GPR20: variants seen among roughly 807,000 people sequenced by gnomAD.
GPR20 encodes the protein CTD-3064M3.3.
For missense variants in GPR20, 494 were observed against 527.4 expected, an observed-to-expected ratio of 0.94 and a Z score of 0.62; for synonymous variants, 241 against 241.9, an observed-to-expected ratio of 1.00 and a Z score of 0.04.
At chr8:141,361,045 C>G (rs1831727875) in intron 1 of GPR20, among the ~76,000 whole-genome samples, 1 of 152,242 alleles carries the variant, frequency 6.6e-6, no homozygotes. Context: ...TCTTTCCTGG[C>G]AGGCACCCTG....
intron 1 of GPR20, among the ~76,000 whole-genome samples, chr8:141,360,534 G>T (rs571087404): frequency 6.6e-6 from 1 of 152,150 alleles, no homozygotes; most frequent in Admixed American, 6.5e-5. Context: ...CCACAGCGAC[G>T]GATGTCCCGA....
intron 1 of GPR20, among the ~76,000 whole-genome samples, chr8:141,359,410 T>A (rs1319582182): frequency 6.6e-6 from 1 of 152,168 alleles, no homozygotes; most frequent in African/African-American, 2.4e-5. Flanking sequence ...AGTGCCTGCA[T>A]GAGGTCACCC....
chr8:141,358,382 G>T (rs189276483), intron 1 of GPR20, among the ~76,000 whole-genome samples: 1 of 152,202 alleles, frequency 6.6e-6, no homozygotes, highest in Non-Finnish European at 1.5e-5. Flanking sequence ...GTGCTTGCTC[G>T]GGTAGGCCAC....
chr8:141,357,131 C>A lies in GPR20; in HGVS notation c.793G>T (p.Ala265Ser). The A allele has an allele frequency of 1.2e-6, 2 of 1,611,246 alleles. No homozygotes were observed. Among genetic ancestry groups the A allele is most frequent in the South Asian group, 2.2e-5 (2 of 91,060 alleles). The change falls in exon 2 of 2, where the codon GCG (alanine) becomes TCG (serine). Residue 265 changes from alanine (A) to serine (S), a missense_variant. Coordinates refer to ENST00000377741, the MANE Select transcript of GPR20 (RefSeq NM_005293.3). Reference sequence around the variant, plus strand: ...TGGTGTGGCATGTCGGGCCACAGCGCCACGGCCACTTGGCGGGCGTGGAAG... The same window carrying A: ...TGGTGTGGCATGTCGGGCCACAGCGACACGGCCACTTGGCGGGCGTGGAAG... ...TPFHARQVAV[A>S]LWPDMPHHTS...
chr8:141,363,263 G>A (rs545679484), intron 1 of GPR20, among the ~76,000 whole-genome samples: 1 of 152,386 alleles, frequency 6.6e-6, no homozygotes, highest in East Asian at 1.9e-4. Context: ...AACATGGGAG[G>A]CGTGCGATAT....
intron 1 of GPR20, among the ~76,000 whole-genome samples, chr8:141,363,825 T>A (rs1339978870): frequency 1.3e-5 from 2 of 152,148 alleles, no homozygotes; most frequent in Non-Finnish European, 2.9e-5. Context: ...GGCAGCAGAG[T>A]GGCCCCGGCC....
chr8:141,358,632 G>T (rs1340909280), intron 1 of GPR20, among the ~76,000 whole-genome samples: 2 of 152,154 alleles, frequency 1.3e-5, no homozygotes, highest in Non-Finnish European at 2.9e-5. Flanking sequence ...CCTCCTCCTA[G>T]GCCAGCATCA....
In GPR20 at chr8:141,357,002, C is replaced by A. The variant is rs559578522; in HGVS notation, c.922G>T (p.Val308Phe). 6.2e-7 allele frequency: 1 copy of A among 1,613,096 alleles called. No homozygotes were observed. The highest frequency in any genetic ancestry group is 2.2e-5 in the East Asian group (1 of 44,876). Residue 308 changes from valine to phenylalanine, a missense_variant, in exon 2 of 2, where the codon GTC (valine) becomes TTC (phenylalanine). Transcript: ENST00000377741. ...CFVTSGFQAT[V>F]RGLFGQHGER... is the part of the protein sequence containing the mutation. ...CCGTGCTGGCCGAAGAGGCCTCGGA[C>A]GGTGGCCTGGAAGCCACTGGTGACG...
Position 141,357,036 on chromosome 8 carries a change from G to A in GPR20, c.888C>T (p.Val296=). 1 of 1,613,024 alleles carries A rather than the reference G, an allele frequency of 6.2e-7. No individual in the cohort carries two copies. The highest frequency in any genetic ancestry group is 1.3e-5 in the African/African-American group (1 of 75,080). The change falls in exon 2 of 2, where the codon GTC becomes GTT. Residue 296 remains valine, a synonymous_variant. Transcript: ENST00000377741. ...GGAAGCCACTGGTGACGAAGCAGTAGACGATGGGGTCCATGCAGCTGTTGA... is the reference window on the plus strand; with the variant it reads ...GGAAGCCACTGGTGACGAAGCAGTAAACGATGGGGTCCATGCAGCTGTTGA... The part of the protein sequence containing the change: ...SSLNSCMDPI[V]YCFVTSGFQA...
chr8:141,360,681 G>A lies in GPR20; in HGVS notation c.-24-2734C>T, dbSNP rs532273057. Among the ~76,000 whole-genome samples the A allele has an allele frequency of 3.6e-4, 55 of 152,340 alleles. 1 individual carries two copies. Among genetic ancestry groups the A allele is most frequent in the Admixed American group, 2.8e-3 (43 of 15,302 alleles). On this transcript the variant is annotated intron_variant, in intron 1 of 1. Coordinates refer to ENST00000377741, the MANE Select transcript of GPR20 (RefSeq NM_005293.3). ...CCCTGGCGAGTGCCTGGGGAAAGGA[G>A]AAGGTTCCGCCCCTCCTGGGACAGC...
Position 141,356,774 on chromosome 8 carries a change from C to T in GPR20, c.*73G>A, listed in dbSNP as rs1831643603. ...ATCGAGATGGAACCGATTGCCACCC[C>T]TGGCATGGTGGGTGTCCACGCTGGC... On this transcript the variant is annotated 3_prime_UTR_variant, in exon 2 of 2. Transcript: ENST00000377741. The T allele has an allele frequency of 6.4e-6, 7 of 1,091,920 alleles. No homozygotes were observed. In the Admixed American group the frequency reaches 1.6e-4, roughly 25 times the overall value. 67.6% of individuals were successfully genotyped at this position (1,091,920 alleles called of 1,614,324 possible). A position where few individuals can be genotyped will look rare whatever the true frequency, so the allele number is the denominator to read the frequency against.
At chr8:141,365,660 C>A (rs1168483173) in intron 1 of GPR20, among the ~76,000 whole-genome samples, 1 of 152,166 alleles carries the variant, frequency 6.6e-6, no homozygotes, top group Non-Finnish European at 1.5e-5. Flanking sequence ...GAAGAGCGCT[C>A]CCGGCAGCAG....
chr8:141,363,923 G>T (rs567265737), intron 1 of GPR20, among the ~76,000 whole-genome samples: 2 of 152,382 alleles, frequency 1.3e-5, no homozygotes, highest in East Asian at 3.9e-4. Context: ...ACGTGTGGAG[G>T]ACGGGCCCAG....
In GPR20 at chr8:141,359,196, C is replaced by T. The variant is rs1343964249; in HGVS notation, c.-24-1249G>A. On this transcript the variant is annotated intron_variant, in intron 1 of 1. Coordinates refer to ENST00000377741, the MANE Select transcript of GPR20 (RefSeq NM_005293.3). ...GAGAAGGGAGGACACTTACCCCTTC[C>T]CCTCCTGGTGGCCCCTGCTGTAAAC... Among the ~76,000 whole-genome samples the T allele has an allele frequency of 3.3e-5, 5 of 152,230 alleles. No homozygotes were observed. In the East Asian group the frequency reaches 9.7e-4, roughly 29 times the overall value.
At position 141,356,819 on chromosome 8, in the gene GPR20, C is replaced by T. The variant is rs1315224176; in HGVS notation, c.*28G>A. ...GCTGGCATGCCCAGATGAGTCCTGA[C>T]CTTCGGCCCCTGGCAGAGCCCTGCT... On this transcript the variant is annotated 3_prime_UTR_variant, in exon 2 of 2. Transcript: ENST00000377741. The T allele has an allele frequency of 6.6e-7, 1 of 1,516,588 alleles. No individual in the cohort carries two copies. The highest frequency in any genetic ancestry group is 9.0e-7 in the Non-Finnish European group (1 of 1,114,622). 93.9% of individuals were successfully genotyped at this position (1,516,588 alleles called of 1,614,324 possible).
In GPR20 at chr8:141,357,349, C is replaced by T. The variant is rs752017905; in HGVS notation, c.575G>A (p.Arg192Gln). Residue 192 changes from arginine to glutamine, a missense_variant, in exon 2 of 2, where the codon CGG becomes CAG. Physicochemically the swap from Arg to Gln is conservative, Grantham distance 43. Coordinates refer to ENST00000377741, the MANE Select transcript of GPR20 (RefSeq NM_005293.3). The stretch of plus-strand genomic sequence containing the variant: ...CAGCGCAAAGACACGGCAGCAGGGC[C>T]GGCTGCCTGTCACGCCCAGCACCGA... Reference protein sequence around the residue: ...TLSVLGVTGSRPCCRVFALTV... With the variant: ...TLSVLGVTGSQPCCRVFALTV... 23 of 1,551,832 alleles carry T rather than the reference C, an allele frequency of 1.5e-5. No individual in the cohort carries two copies. The highest frequency in any genetic ancestry group is 7.2e-5 in the East Asian group (3 of 41,556).
At chr8:141,360,000 G>T (rs1417917544) in intron 1 of GPR20, among the ~76,000 whole-genome samples, 2 of 152,176 alleles carry the variant, frequency 1.3e-5, no homozygotes, top group Non-Finnish European at 2.9e-5. Flanking sequence ...TTTCCTGTGG[G>T]AGTGAGTCCC....
chr8:141,359,255 G>A lies in GPR20; in HGVS notation c.-24-1308C>T, dbSNP rs769841257. Among the ~76,000 whole-genome samples the A allele has an allele frequency of 1.5e-3, 235 of 152,248 alleles. 2 individuals carry two copies. The highest frequency in any genetic ancestry group is 7.7e-4 in the East Asian group (4 of 5,172). ...CCCCGCCACTCCCTCTGACCAGTGC[G>A]TGGCCCCATCCCACCCCTGGGGAAC... On this transcript the variant is annotated intron_variant, in intron 1 of 1. Transcript: ENST00000377741.
At chr8:141,367,037 G>T (rs1831824289) in intron 1 of GPR20, among the ~76,000 whole-genome samples, 164 bp downstream of exon 1, 1 of 152,378 alleles carries the variant, frequency 6.6e-6, no homozygotes, top group Non-Finnish European at 1.5e-5. Flanking sequence ...AGCAGGACCT[G>T]CTCTGAGCTC....
Sources: gnomAD v4.1 joint callset for allele counts (sites outside exome capture counted in the v4.1 genomes callset) on GRCh38, gnomAD v4.1.1 for gene constraint, MANE v1.5 for transcripts, NCBI Gene and HGNC (gene_info 2026-07-23, HGNC 2026-07-21) for gene names.